The following SYNE2 variants were observed in gnomAD, a reference collection of about 807,000 sequenced individuals.
SYNE2 encodes nesprin-2.
In SYNE2, 431 loss-of-function variants were observed where a neutral mutation model predicts 856.3. The ratio of observed to expected loss-of-function variants is 0.50; its 90% CI spans 0.47 to 0.55. SYNE2 has a LOEUF of 0.55. SYNE2 is among the 20% of genes least tolerant of loss of function. The probability of loss-of-function intolerance (pLI) is 0.00; values close to 1 mark genes in which losing one functional copy is unlikely to be tolerated. For missense variants in SYNE2, 8,129 were observed against 8,023.2 expected (o/e 1.01, Z -0.50); for synonymous variants, 2,923 against 2,872.3 (o/e 1.02, Z -0.56).
intron 1 of SYNE2, among the ~76,000 whole-genome samples, chr14:63,765,582 C>T (rs1168586359): frequency 6.6e-6 from 1 of 152,132 alleles, no homozygotes; most frequent in East Asian, 1.9e-4. Flanking sequence ...TGGTCTCGAT[C>T]TCCTGACCTC....
At chr14:64,156,236 C>G (rs1358890865) in intron 85 of SYNE2, among the ~76,000 whole-genome samples, 1 of 152,086 alleles carries the variant, frequency 6.6e-6, no homozygotes, top group Non-Finnish European at 1.5e-5. Flanking sequence ...CTTTAAGGTG[C>G]TAGAAGTTCC....
At chr14:63,817,727 C>A (rs1230870845) in intron 1 of SYNE2, among the ~76,000 whole-genome samples, 2 of 152,008 alleles carry the variant, frequency 1.3e-5, no homozygotes, top group Non-Finnish European at 2.9e-5. Context: ...CATTTCAGAC[C>A]TAAAACAAAT....
intron 45 of SYNE2, among the ~76,000 whole-genome samples, chr14:64,032,906 A>G (rs747065135): frequency 1.3e-5 from 2 of 152,212 alleles, no homozygotes; most frequent in Non-Finnish European, 2.9e-5. Context: ...AGTGGCTCAC[A>G]CCACTAATCT....
rs771852842 is a variant in SYNE2 at position 64,163,539 on chromosome 14, T to C, written c.16437T>C (p.Ala5479=). Residue 5479 remains alanine (A), a synonymous_variant, in exon 89 of 116, where the codon GCT becomes GCC. Coordinates refer to ENST00000555002, the MANE Select transcript of SYNE2 (RefSeq NM_182914.3). ...CCCTGCACTCTCTCCAGAGGGCTGCTTATTTGGAAAAGATGCTGCTTGTGA... is the reference window on the plus strand; with the variant it reads ...CCCTGCACTCTCTCCAGAGGGCTGCCTATTTGGAAAAGATGCTGCTTGTGA... ...PGPLHSLQRA[A]YLEKMLLVKA... is the part of the protein sequence containing the mutation. 1.5e-5 allele frequency: 24 copies of C among 1,614,050 alleles called. 1 individual carries two copies. The Middle Eastern group carries it at 6.6e-4, about 44-fold the overall frequency.
chr14:64,189,679 A>G (rs766477431), intron 98 of SYNE2, among the ~76,000 whole-genome samples: 1 of 152,204 alleles, frequency 6.6e-6, no homozygotes, highest in Non-Finnish European at 1.5e-5. Flanking sequence ...AGTTAGCTTC[A>G]TTAGAAGGTA....
chr14:63,793,488 C>G (rs1247947526), intron 1 of SYNE2, among the ~76,000 whole-genome samples: 3 of 152,180 alleles, frequency 2.0e-5, no homozygotes, highest in Non-Finnish European at 4.4e-5. Context: ...CATTTTACTT[C>G]TTGAAAGTCG....
intron 1 of SYNE2, among the ~76,000 whole-genome samples, chr14:63,838,197 T>C (rs1416686861): frequency 2.0e-5 from 3 of 152,056 alleles, no homozygotes; most frequent in Non-Finnish European, 4.4e-5. Flanking sequence ...TGGGGAAACC[T>C]GTCTCTACTA....
intron 64 of SYNE2, among the ~76,000 whole-genome samples, chr14:64,107,286 G>A: frequency 6.6e-6 from 1 of 152,208 alleles, no homozygotes; most frequent in East Asian, 1.9e-4. Flanking sequence ...GAGAAGTGTG[G>A]AGAATGCAAG....
intron 6 of SYNE2, among the ~76,000 whole-genome samples, chr14:63,945,725 A>G (rs1336982245): frequency 1.3e-5 from 2 of 152,036 alleles, no homozygotes; most frequent in Non-Finnish European, 2.9e-5. Flanking sequence ...CCTGGGTTCA[A>G]GTGATTCTCC....
At chr14:64,102,451 G>C (rs1230618354) in intron 64 of SYNE2, among the ~76,000 whole-genome samples, 1 of 146,052 alleles carries the variant, frequency 6.8e-6, no homozygotes, top group Non-Finnish European at 1.5e-5. Context: ...GGATAGTAAA[G>C]AACTATTTTG....
At chr14:64,190,375 G>C (rs2098512495) in intron 99 of SYNE2, 138 bp downstream of exon 99, 1 of 1,119,160 alleles carries the variant, frequency 8.9e-7, no homozygotes, top group Non-Finnish European at 1.3e-6. Context: ...TGATAAAAAT[G>C]AGTGGAAATT....
At chr14:63,836,205 G>T (rs1165085153) in intron 1 of SYNE2, among the ~76,000 whole-genome samples, 1 of 151,932 alleles carries the variant, frequency 6.6e-6, no homozygotes, top group Non-Finnish European at 1.5e-5. Flanking sequence ...GGTATTTTTT[G>T]TAGAGATGGG....
upstream of SYNE2, among the ~76,000 whole-genome samples, chr14:63,848,707 A>C (rs1890310322): frequency 6.6e-6 from 1 of 152,226 alleles, no homozygotes; most frequent in African/African-American, 2.4e-5. Flanking sequence ...TTAAAATCTA[A>C]TACTTTAATT....
At position 63,995,137 on chromosome 14, in the gene SYNE2, CAAAT is replaced by C. The variant is rs1358529118; in HGVS notation, c.2883_2886del (p.Asn961LysfsTer38). ...TGACAATATTTTAAAACTTGAAAAG[CAAAT>C]AAATAAAGAAAAGAAACTTATCCGT... On this transcript the variant is annotated frameshift_variant, in exon 23 of 116. Coordinates refer to ENST00000555002, the MANE Select transcript of SYNE2 (RefSeq NM_182914.3). LOFTEE classifies it high-confidence loss of function. The C allele has an allele frequency of 1.2e-6, 2 of 1,603,716 alleles. No homozygotes were observed. Among genetic ancestry groups the C allele is most frequent in the South Asian group, 1.1e-5 (1 of 89,030 alleles).
At chr14:64,086,479 A>G (rs2097562132) in intron 57 of SYNE2, among the ~76,000 whole-genome samples, 1 of 152,188 alleles carries the variant, frequency 6.6e-6, no homozygotes, top group Non-Finnish European at 1.5e-5. Context: ...GGCTAAATCA[A>G]GGCCTTTGTA....
chr14:64,138,887 G>A (rs2098116855), intron 79 of SYNE2, among the ~76,000 whole-genome samples: 1 of 149,792 alleles, frequency 6.7e-6, no homozygotes, highest in African/African-American at 2.5e-5. Flanking sequence ...GCAGTTTGTT[G>A]TTATACAGCT....
chr14:63,919,617 A>T (rs1385552026), intron 2 of SYNE2, among the ~76,000 whole-genome samples: 1 of 152,170 alleles, frequency 6.6e-6, no homozygotes, highest in Non-Finnish European at 1.5e-5. Context: ...AAGAGGAGGA[A>T]CAAGGAAAGG....
chr14:64,105,435 A>G (rs995912556), intron 64 of SYNE2, among the ~76,000 whole-genome samples: 10 of 152,332 alleles, frequency 6.6e-5, no homozygotes, highest in South Asian at 2.1e-4. Context: ...CTGAAAAGAC[A>G]CTAACATTTT....
At chr14:64,136,677 G>A (rs1294067423) in intron 78 of SYNE2, among the ~76,000 whole-genome samples, 2 of 151,964 alleles carry the variant, frequency 1.3e-5, no homozygotes, top group African/African-American at 2.4e-5. Flanking sequence ...TTAATGATAC[G>A]CTGTTTTAAT....
Sources: gnomAD v4.1 joint callset for allele counts (sites outside exome capture counted in the v4.1 genomes callset) on GRCh38, gnomAD v4.1.1 for gene constraint, MANE v1.5 for transcripts, NCBI Gene and HGNC (gene_info 2026-07-23, HGNC 2026-07-21) for gene names.